RNF152: variants seen among roughly 807,000 people sequenced by gnomAD.
RNF152 encodes ring finger protein 152, also known as E3 ubiquitin-protein ligase RNF152.
A neutral mutation model predicts 12.7 loss-of-function variants in RNF152; 11 were observed. The ratio of observed to expected loss-of-function variants is 0.86; its 90% CI spans 0.54 to 1.43. RNF152 has a LOEUF of 1.43. Ranked by LOEUF, RNF152 falls within the 40% of genes most tolerant of loss-of-function variation. RNF152 has a pLI of 0.00. For synonymous variants in RNF152, 113 were observed against 120.3 expected, an observed-to-expected ratio of 0.94 and a Z score of 0.40; for missense variants, 255 against 274.8, an observed-to-expected ratio of 0.93 and a Z score of 0.51.
chr18:61,853,891 A>C (rs550866065), intron 1 of RNF152, among the ~76,000 whole-genome samples: 3 of 152,246 alleles, frequency 2.0e-5, no homozygotes, highest in Admixed American at 2.0e-4. Flanking sequence ...TCTGGGGTCC[A>C]TTATTCACCA....
At chr18:61,850,306 T>C (rs924292553) in intron 1 of RNF152, among the ~76,000 whole-genome samples, 4 of 152,228 alleles carry the variant, frequency 2.6e-5, no homozygotes, top group African/African-American at 7.2e-5. Flanking sequence ...CCTTGACATA[T>C]CATCTGGCAC....
At chr18:61,876,994 T>C (rs549333364) in intron 1 of RNF152, among the ~76,000 whole-genome samples, 1 of 152,172 alleles carries the variant, frequency 6.6e-6, no homozygotes, top group Non-Finnish European at 1.5e-5. Context: ...GACAGGGATT[T>C]TGACTGACAG....
rs1346783389 is a variant in RNF152, at chr18:61,888,833, G to T, written c.-136+3962C>A. The T allele has an allele frequency of 2.6e-5, 4 of 152,156 alleles. No homozygotes were observed. The South Asian group carries it at 8.3e-4, about 32-fold the overall frequency. 9.4% of individuals were successfully genotyped at this position (152,156 alleles called of 1,614,324 possible). ...AAAACCAACACCTTCTTCCTTTCCG[G>T]TTTCCATGACGTCACAATGGGCAGT... On this transcript the variant is annotated intron_variant, in intron 1 of 1. Transcript: ENST00000312828.
At chr18:61,828,101 T>A (rs1251411100) in intron 1 of RNF152, among the ~76,000 whole-genome samples, 1 of 152,238 alleles carries the variant, frequency 6.6e-6, no homozygotes, top group African/African-American at 2.4e-5. Context: ...TACTCACCTG[T>A]GTAACCACTA....
chr18:61,856,375 GA>G (rs2144705627), intron 1 of RNF152, among the ~76,000 whole-genome samples: 1 of 152,280 alleles, frequency 6.6e-6, no homozygotes, highest in African/African-American at 2.4e-5. Flanking sequence ...TGCCTGTTGG[GA>G]ACTCATCTGC....
intron 1 of RNF152, among the ~76,000 whole-genome samples, chr18:61,872,645 C>T (rs1912042098): frequency 6.6e-6 from 1 of 152,168 alleles, no homozygotes; most frequent in Non-Finnish European, 1.5e-5. Flanking sequence ...ATTTGCCATT[C>T]TACTGTAGTG....
rs139912839 is a variant in RNF152 at position 61,861,219 on chromosome 18, C to T, written c.-136+31576G>A. 4.9e-3 allele frequency among the ~76,000 whole-genome samples: 749 copies of T among 152,334 alleles called. 6 individuals are homozygous for T. The highest frequency in any genetic ancestry group is 0.017 in the African/African-American group (708 of 41,564). ...TCCACTCACCACTCACATCCTGAAT[C>T]ACTCAGAGCAACTTCCAGTCCTGCA... On this transcript the variant is annotated intron_variant, in intron 1 of 1. Coordinates refer to ENST00000312828, the MANE Select transcript of RNF152 (RefSeq NM_173557.3).
intron 1 of RNF152, among the ~76,000 whole-genome samples, chr18:61,858,905 A>AAAAACT (rs1911340359): frequency 6.6e-6 from 1 of 152,230 alleles, no homozygotes; most frequent in South Asian, 2.1e-4. Flanking sequence ...GAGACAAAAC[A>AAAAACT]AAAACTAAAT....
rs1255260598 is a variant in RNF152, at chr18:61,809,861, A to AG, written c.*5990_*5991insC. The AG allele has an allele frequency of 1.4e-5, 2 of 142,842 alleles. No individual in the cohort carries two copies. The highest frequency in any genetic ancestry group is 6.0e-5 in the African/African-American group (2 of 33,534). The allele number at this position is 142,842 out of a possible 1,614,324, so 8.8% of individuals were successfully genotyped here. A position where few individuals can be genotyped will look rare whatever the true frequency, so the allele number is the denominator to read the frequency against. ...TACCCCAGGCAGTGAATCCTGAAAA[A>AG]AAAAAAAAAAAAAAAAGTCATTGGC... On this transcript the variant is annotated 3_prime_UTR_variant, in exon 2 of 2. Coordinates refer to ENST00000312828, the MANE Select transcript of RNF152 (RefSeq NM_173557.3).
chr18:61,881,044 G>A (rs1008703374), intron 1 of RNF152, among the ~76,000 whole-genome samples: 1 of 151,724 alleles, frequency 6.6e-6, no homozygotes, highest in Admixed American at 6.6e-5. Context: ...CTCCCAAGTA[G>A]CTGGGATTAC....
intron 1 of RNF152, among the ~76,000 whole-genome samples, chr18:61,839,114 G>A (rs1001442526): frequency 2.6e-4 from 39 of 151,200 alleles, no homozygotes; most frequent in Admixed American, 6.6e-4. Flanking sequence ...ATAGTAAGCT[G>A]CAGGCCTGAG....
chr18:61,838,198 G>T (rs1366378014), intron 1 of RNF152, among the ~76,000 whole-genome samples: 1 of 152,164 alleles, frequency 6.6e-6, no homozygotes, highest in Admixed American at 6.5e-5. Context: ...TCTAGAGCAA[G>T]AAACACATGT....
chr18:61,861,352 T>C (rs1911470325), intron 1 of RNF152, among the ~76,000 whole-genome samples: 1 of 152,232 alleles, frequency 6.6e-6, no homozygotes, highest in African/African-American at 2.4e-5. Flanking sequence ...TTATTGTGTG[T>C]GTTACAATTG....
chr18:61,817,622 TG>T (rs1041849079), intron 1 of RNF152, among the ~76,000 whole-genome samples: 4 of 152,086 alleles, frequency 2.6e-5, no homozygotes, highest in African/African-American at 7.2e-5. Flanking sequence ...TTGGTATACA[TG>T]GGGGTCCTGG....
At chr18:61,846,828 G>A (rs1910760806) in intron 1 of RNF152, among the ~76,000 whole-genome samples, 2 of 152,132 alleles carry the variant, frequency 1.3e-5, no homozygotes, top group South Asian at 4.1e-4. Context: ...GCACTAAACT[G>A]CCTGCAGAGA....
intron 1 of RNF152, among the ~76,000 whole-genome samples, chr18:61,825,973 T>G (rs1909646656): frequency 6.6e-6 from 1 of 152,174 alleles, no homozygotes; most frequent in South Asian, 2.1e-4. Context: ...ACCCACAACC[T>G]TTTCCCAGAA....
chr18:61,853,677 A>G (rs1317822845), intron 1 of RNF152, among the ~76,000 whole-genome samples: 1 of 152,014 alleles, frequency 6.6e-6, no homozygotes, highest in Non-Finnish European at 1.5e-5. Flanking sequence ...TTCTGTCACT[A>G]TATCTCCTAC....
chr18:61,823,123 C>A (rs568423982), intron 1 of RNF152, among the ~76,000 whole-genome samples: 6 of 152,194 alleles, frequency 3.9e-5, no homozygotes, highest in African/African-American at 7.2e-5. Context: ...TGCATACATG[C>A]GTAGTCCAAT....
chr18:61,888,104 T>C (rs9954003), intron 1 of RNF152: 79,546 of 151,976 alleles, frequency 0.52, 20,902 homozygotes, highest in East Asian at 0.75. Context: ...GGCATTAGTA[T>C]ATCAAGGGGT....
Sources: allele counts gnomAD v4.1 joint callset (sites outside exome capture counted in the v4.1 genomes callset), GRCh38; gene constraint gnomAD v4.1.1; transcripts MANE v1.5; gene names NCBI Gene and HGNC (gene_info 2026-07-23, HGNC 2026-07-21).